The following AKT1 variants were observed in gnomAD, a reference collection of about 807,000 sequenced individuals.
AKT1 encodes AKT serine/threonine kinase 1.
AKT1 carries 21 observed loss-of-function variants against 63.1 expected under a neutral mutation model. That is an observed-to-expected ratio of 0.33 (90% CI 0.24 to 0.48). AKT1 has a LOEUF of 0.48. AKT1 is among the 20% of genes least tolerant of loss of function. The pLI is 0.99. For missense variants in AKT1, 382 were observed against 666.0 expected (o/e 0.57, Z 4.69); for synonymous variants, 257 against 253.1 (o/e 1.02, Z -0.15).
chr14:104,770,845 G>A lies in AKT1; in HGVS notation c.1263C>T (p.Leu421=). 1 of 1,613,928 alleles carries A rather than the reference G, an allele frequency of 6.2e-7. No homozygotes were observed. Among genetic ancestry groups the A allele is most frequent in the Non-Finnish European group, 8.5e-7 (1 of 1,179,908 alleles). The change falls in exon 14 of 15, where the codon CTC becomes CTT. Residue 421 remains leucine, a splice_region_variant and synonymous_variant. Coordinates refer to ENST00000649815, the MANE Select transcript of AKT1 (RefSeq NM_001382430.1). ...TGACCTGGGGCTTGAAGGGTGGGCT[G>A]AGCTGCAGAGGTGGGCAGACGGGAC... ...IVWQHVYEKK[L]SPPFKPQVTS...
Position 104,773,930 on chromosome 14 carries a change from C to T in AKT1, c.684G>A (p.Glu228=), listed in dbSNP as rs1276744835. Residue 228 remains glutamate (E), a synonymous_variant, in exon 9 of 15, where the codon GAG becomes GAA. Coordinates refer to ENST00000649815, the MANE Select transcript of AKT1 (RefSeq NM_001382430.1). ...QTHDRLCFVM[E]YANGGELFFH... ...CCCCTACCTCGCCCCCGTTGGCGTA[C>T]TCCATGACAAAGCAGAGGCGGTCGT... 2 of 1,612,430 alleles carry T rather than the reference C, an allele frequency of 1.2e-6. No homozygotes were observed. The highest frequency in any genetic ancestry group is 1.7e-6 in the Non-Finnish European group (2 of 1,179,250).
Position 104,770,299 on chromosome 14 carries a change from T to A in AKT1, c.*42A>T. On this transcript the variant is annotated 3_prime_UTR_variant, in exon 15 of 15. Coordinates refer to ENST00000649815, the MANE Select transcript of AKT1 (RefSeq NM_001382430.1). ...ACAGATCATGGCACGAGGCCGCCTCTCCATCCCTCCAAGCTATCGTCCAGC... is the reference window on the plus strand; with the variant it reads ...ACAGATCATGGCACGAGGCCGCCTCACCATCCCTCCAAGCTATCGTCCAGC... 6.3e-7 allele frequency: 1 copy of A among 1,580,984 alleles called. No homozygotes were observed. Among genetic ancestry groups the A allele is most frequent in the Non-Finnish European group, 8.6e-7 (1 of 1,164,752 alleles).
chr14:104,785,986 C>T (rs1893310159), intron 3 of AKT1, among the ~76,000 whole-genome samples: 1 of 152,116 alleles, frequency 6.6e-6, no homozygotes. Flanking sequence ...GATGTCCTCC[C>T]CCACAGGCAC....
chr14:104,770,587 G>GA, intron 14 of AKT1, 158 bp downstream of exon 14: 1 of 916,844 alleles, frequency 1.1e-6, no homozygotes, highest in Non-Finnish European at 1.6e-6. Context: ...TGGGCCCTCA[G>GA]AGCACTGCCT....
At chr14:104,780,372 G>A (rs926042586) in intron 3 of AKT1, among the ~76,000 whole-genome samples, 156 bp from the exon 4 acceptor site, 8 of 152,144 alleles carry the variant, frequency 5.3e-5, no homozygotes, top group African/African-American at 1.7e-4. Context: ...TAGGGCCAGC[G>A]ACAGAAACGG....
intron 8 of AKT1, chr14:104,774,264 TG>T: frequency 6.2e-6 from 3 of 484,730 alleles, no homozygotes; most frequent in Admixed American, 3.3e-5. Flanking sequence ...CACTGCCTCA[TG>T]CCACGCCACC....
intron 3 of AKT1, among the ~76,000 whole-genome samples, chr14:104,788,722 G>A (rs2140991848): frequency 6.6e-6 from 1 of 152,326 alleles, no homozygotes; most frequent in African/African-American, 2.4e-5. Flanking sequence ...GAGAGGGGGT[G>A]GGAAGGAGGC....
At chr14:104,774,196 ACC>A in intron 8 of AKT1, 1 of 495,742 alleles carries the variant, frequency 2.0e-6, no homozygotes, top group Non-Finnish European at 3.7e-6. Context: ...CACACCATAC[ACC>A]CCCACATCAC....
chr14:104,772,306 CGTGA>C, intron 13 of AKT1, 55 bp downstream of exon 13: 1 of 1,575,232 alleles, frequency 6.3e-7, no homozygotes. Context: ...CACGTGCATG[CGTGA>C]GTGTGGATAT....
chr14:104,790,340 G>A (rs1218542822), intron 3 of AKT1, among the ~76,000 whole-genome samples: 1 of 152,136 alleles, frequency 6.6e-6, no homozygotes, highest in Non-Finnish European at 1.5e-5. Context: ...CAGTCACTGC[G>A]TCCCTCCCTC....
At chr14:104,784,857 G>A (rs747381481) in intron 3 of AKT1, among the ~76,000 whole-genome samples, 9 of 152,194 alleles carry the variant, frequency 5.9e-5, no homozygotes, top group African/African-American at 2.2e-4. Flanking sequence ...TCCACGTCCC[G>A]GGACTGACCA....
At chr14:104,789,052 C>T (rs1453241475) in intron 3 of AKT1, among the ~76,000 whole-genome samples, 1 of 152,240 alleles carries the variant, frequency 6.6e-6, no homozygotes, top group Non-Finnish European at 1.5e-5. Flanking sequence ...CCTCGACCCC[C>T]GCCCACTCGG....
intron 4 of AKT1, chr14:104,777,735 T>C: frequency 2.0e-6 from 2 of 985,534 alleles, no homozygotes; most frequent in Non-Finnish European, 2.4e-6. Context: ...GGGGGGCCTC[T>C]GACATTCCAG....
At chr14:104,785,781 G>A (rs1893301115) in intron 3 of AKT1, among the ~76,000 whole-genome samples, 1 of 152,036 alleles carries the variant, frequency 6.6e-6, no homozygotes, top group Admixed American at 6.5e-5. Flanking sequence ...CACACACCCC[G>A]GGAGGAACAT....
chr14:104,770,786 T>G lies in AKT1; in HGVS notation c.1322A>C (p.Glu441Ala), dbSNP rs1892342047. The G allele has an allele frequency of 6.2e-7, 1 of 1,614,106 alleles. No individual in the cohort carries two copies. Among genetic ancestry groups the G allele is most frequent in the African/African-American group, 1.3e-5 (1 of 75,044 alleles). The change falls in exon 14 of 15, where the codon GAG becomes GCG. Residue 441 changes from glutamate (E) to alanine (A), a missense_variant. Transcript: ENST00000649815. ...SETDTRYFDEEFTAQMITITP... is the reference protein window; with the variant it reads ...SETDTRYFDEAFTAQMITITP... Reference sequence around the variant, plus strand: ...GATGGTGATCATCTGGGCCGTGAACTCCTCATCAAAATACCTGGTGTCAGT... The same window carrying G: ...GATGGTGATCATCTGGGCCGTGAACGCCTCATCAAAATACCTGGTGTCAGT...
At chr14:104,779,607 G>A (rs1892912687) in intron 4 of AKT1, among the ~76,000 whole-genome samples, 1 of 152,126 alleles carries the variant, frequency 6.6e-6, no homozygotes, top group African/African-American at 2.4e-5. Context: ...AGCCAGCCTT[G>A]GGACTCGGCC....
rs527925769 is a variant in AKT1 at position 104,772,514 on chromosome 14, G to A, written c.1173-62C>T. ...CCACCTGCCCAGGCCCTGGGTTCAGGCCCCTTCCTCCTGTGATGTAGGGCC... is the reference window on the plus strand; with the variant it reads ...CCACCTGCCCAGGCCCTGGGTTCAGACCCCTTCCTCCTGTGATGTAGGGCC... On this transcript the variant is annotated intron_variant, in intron 12 of 14. Transcript: ENST00000649815. 8 of 1,551,742 alleles carry A rather than the reference G, an allele frequency of 5.2e-6. No homozygotes were observed. The Admixed American group carries it at 1.3e-4, about 26-fold the overall frequency.
At chr14:104,793,730 C>T (rs1005354657) in intron 1 of AKT1, 1 of 156,324 alleles carries the variant, frequency 6.4e-6, no homozygotes, top group Non-Finnish European at 1.4e-5. Context: ...CATTTCCCCT[C>T]TGATGGATGA....
At chr14:104,788,208 C>A (rs1041429745) in intron 3 of AKT1, among the ~76,000 whole-genome samples, 1 of 152,152 alleles carries the variant, frequency 6.6e-6, no homozygotes, top group African/African-American at 2.4e-5. Flanking sequence ...GCCACCTAGA[C>A]GCAGCCTGGG....
Sources: allele counts gnomAD v4.1 joint callset (sites outside exome capture counted in the v4.1 genomes callset), GRCh38; gene constraint gnomAD v4.1.1; transcripts MANE v1.5; gene names NCBI Gene and HGNC (gene_info 2026-07-23, HGNC 2026-07-21).